CR1: variants seen among roughly 807,000 people sequenced by gnomAD.
CR1 encodes the protein complement receptor type 1.
In CR1, 116 loss-of-function variants were observed where a neutral mutation model predicts 187.3. The ratio of observed to expected loss-of-function variants is 0.62; its 90% confidence interval spans 0.53 to 0.72. The LOEUF (loss-of-function observed/expected upper bound fraction) is 0.72, where lower values mean the gene tolerates loss of function less well. CR1 is among the 30% of genes least tolerant of loss of function. The pLI is 0.00. For missense variants in CR1, 1,731 were observed against 2,110.7 expected, an observed-to-expected ratio of 0.82 and a Z score of 3.52; for synonymous variants, 576 against 747.1, an observed-to-expected ratio of 0.77 and a Z score of 3.73.
intron 13 of CR1, among the ~76,000 whole-genome samples, chr1:207,544,715 T>A (rs1468411962): frequency 6.8e-6 from 1 of 147,992 alleles, no homozygotes; most frequent in Non-Finnish European, 1.5e-5. Flanking sequence ...TGAAGTGAAA[T>A]GAATGACTAG....
At chr1:207,610,956 A>G in intron 37 of CR1, among the ~76,000 whole-genome samples, 1 of 151,972 alleles carries the variant, frequency 6.6e-6, no homozygotes, top group East Asian at 1.9e-4. Context: ...ACACTCTTTC[A>G]TTTTTAAATG....
chr1:207,507,809 CA>C (rs796318119), intron 3 of CR1, among the ~76,000 whole-genome samples: 123 of 144,270 alleles, frequency 8.5e-4, no homozygotes, highest in African/African-American at 2.4e-3. Context: ...ATGTTCACAC[CA>C]AAAAAAAAAG....
At chr1:207,568,358 G>T (rs1023506520) in intron 25 of CR1, among the ~76,000 whole-genome samples, 2 of 107,596 alleles carry the variant, frequency 1.9e-5, no homozygotes, top group African/African-American at 8.6e-5. Context: ...CTAGAAAATC[G>T]GTGGCTCCTT....
chr1:207,606,176 CT>C (rs1408885642), intron 35 of CR1, among the ~76,000 whole-genome samples: 1 of 152,174 alleles, frequency 6.6e-6, no homozygotes, highest in East Asian at 1.9e-4. Flanking sequence ...ATCTCATGGT[CT>C]AAACTCCAGC....
intron 35 of CR1, among the ~76,000 whole-genome samples, chr1:207,604,722 T>C (rs955600542): frequency 3.3e-5 from 5 of 152,202 alleles, no homozygotes. Flanking sequence ...ATCCCTTCTG[T>C]TTTTGTGCCT....
intron 35 of CR1, among the ~76,000 whole-genome samples, chr1:207,605,209 A>T (rs1349906365): frequency 6.6e-6 from 1 of 151,318 alleles, no homozygotes; most frequent in African/African-American, 2.4e-5. Context: ...GCAGTAAGCC[A>T]AGATCACATC....
intron 35 of CR1, among the ~76,000 whole-genome samples, chr1:207,590,877 G>A (rs1661249300): frequency 6.6e-6 from 1 of 152,044 alleles, no homozygotes; most frequent in Non-Finnish European, 1.5e-5. Flanking sequence ...TTACATAATG[G>A]CAAAGGATGC....
chr1:207,592,812 G>A (rs1192515403), intron 35 of CR1, among the ~76,000 whole-genome samples: 1 of 151,930 alleles, frequency 6.6e-6, no homozygotes, highest in Non-Finnish European at 1.5e-5. Context: ...GACAAACAGC[G>A]AGCCAAATCA....
At chr1:207,565,464 A>G (rs1387306900) in intron 23 of CR1, among the ~76,000 whole-genome samples, 2 of 150,164 alleles carry the variant, frequency 1.3e-5, no homozygotes, top group African/African-American at 5.0e-5. Context: ...TTGCTGTTCC[A>G]GGGTCAGAGT....
chr1:207,591,620 T>C (rs1661275002), intron 35 of CR1, among the ~76,000 whole-genome samples: 1 of 151,704 alleles, frequency 6.6e-6, no homozygotes, highest in African/African-American at 2.4e-5. Flanking sequence ...CTGAAGGAGA[T>C]AGAGAAACAA....
At chr1:207,581,891 T>C (rs1571557044) in intron 31 of CR1, 27 bp from the exon 32 acceptor site, 1 of 1,532,358 alleles carries the variant, frequency 6.5e-7, no homozygotes, top group Non-Finnish European at 9.0e-7. Flanking sequence ...GGTGCATTCA[T>C]CCAGCCACTA....
chr1:207,523,489 G>A, intron 4 of CR1, 122 bp from the exon 5 acceptor site: 1 of 1,491,040 alleles, frequency 6.7e-7, no homozygotes, highest in Non-Finnish European at 9.1e-7. Flanking sequence ...ATGTACCTAT[G>A]TGTTAGCAAA....
Position 207,577,907 on chromosome 1 carries a change from T to A in CR1, c.4640T>A (p.Leu1547His). ...YGSVVTYRCN[L>H]GSRGRKVFEL... The stretch of plus-strand genomic sequence containing the variant: ...TCAGTGGTGACCTACCGCTGCAATC[T>A]TGGAAGCAGAGGGAGAAAGGTGTTT... The change falls in exon 29 of 47, where the codon CTT (leucine) becomes CAT (histidine). Residue 1547 changes from leucine to histidine, a missense_variant. This residue lies in a region of CR1 where 1,312 missense variants were observed against 1,379.6 expected (regional missense o/e 0.95). Coordinates refer to ENST00000367049, the MANE Select transcript of CR1 (RefSeq NM_000651.6). 3 of 1,612,576 alleles carry A rather than the reference T, an allele frequency of 1.9e-6. No individual in the cohort carries two copies. Among genetic ancestry groups the A allele is most frequent in the Non-Finnish European group, 2.5e-6 (3 of 1,179,798 alleles).
intron 46 of CR1, among the ~76,000 whole-genome samples, chr1:207,633,118 G>A (rs866116729): frequency 2.6e-5 from 4 of 152,008 alleles, no homozygotes; most frequent in African/African-American, 7.3e-5. Flanking sequence ...ACACTTTTCC[G>A]CCTTTCTTTC....
rs78338787 is a variant in CR1, at chr1:207,608,242, T to G, written c.5896+906T>G. 9.0e-3 allele frequency among the ~76,000 whole-genome samples: 1,375 copies of G among 152,222 alleles called. 18 individuals are homozygous for G. Among genetic ancestry groups the G allele is most frequent in the African/African-American group, 0.031 (1,289 of 41,548 alleles). On this transcript the variant is annotated intron_variant, in intron 36 of 46. Coordinates refer to ENST00000367049, the MANE Select transcript of CR1 (RefSeq NM_000651.6). ...TCAGTTTTTCGGAAAGGTAAAAAAGTGCACCAGGAGGAATTAAAGGTTGAG... is the reference window on the plus strand; with the variant it reads ...TCAGTTTTTCGGAAAGGTAAAAAAGGGCACCAGGAGGAATTAAAGGTTGAG...
intron 45 of CR1, among the ~76,000 whole-genome samples, chr1:207,627,293 TTCTC>T (rs1481790130): frequency 1.3e-5 from 2 of 152,202 alleles, no homozygotes; most frequent in African/African-American, 2.4e-5. Flanking sequence ...TCCATGTTTA[TTCTC>T]TCTCTCCCTC....
At chr1:207,515,346 C>T (rs2102295256) in intron 4 of CR1, among the ~76,000 whole-genome samples, 1 of 150,670 alleles carries the variant, frequency 6.6e-6, no homozygotes, top group African/African-American at 2.4e-5. Context: ...TATATGCACA[C>T]ATCTTAATCA....
At chr1:207,607,669 A>G (rs1661792187) in intron 36 of CR1, among the ~76,000 whole-genome samples, 1 of 152,308 alleles carries the variant, frequency 6.6e-6, no homozygotes. Context: ...TCAGGTTACA[A>G]TTCCACAAAG....
intron 32 of CR1, 51 bp downstream of exon 32, chr1:207,582,054 A>G (rs1463364627): frequency 1.7e-5 from 23 of 1,381,018 alleles, no homozygotes; most frequent in Non-Finnish European, 2.1e-5. Context: ...TTTTTTCTTA[A>G]TATAGTTTGC....
Sources: gnomAD v4.1 joint callset for allele counts (sites outside exome capture counted in the v4.1 genomes callset) on GRCh38, gnomAD v4.1.1 for gene constraint, gnomAD v4.1.1 regional missense constraint, MANE v1.5 for transcripts, NCBI Gene and HGNC (gene_info 2026-07-23, HGNC 2026-07-21) for gene names.